The following TAF2 variants were observed in gnomAD, a reference collection of about 807,000 sequenced individuals.
TAF2 encodes TATA-box binding protein associated factor 2.
A neutral mutation model predicts 138.5 loss-of-function variants in TAF2; 61 were observed. That is an observed-to-expected ratio of 0.44 (90% confidence interval 0.36 to 0.54). The LOEUF (loss-of-function observed/expected upper bound fraction) is 0.54. TAF2 is among the 20% of genes least tolerant of loss of function. TAF2 has a pLI of 0.00. For synonymous variants in TAF2, 475 were observed against 469.9 expected (o/e 1.01, Z -0.14); for missense variants, 1,090 against 1,427.9 (o/e 0.76, Z 3.81).
At position 119,731,668 on chromosome 8, in the gene TAF2, GT is replaced by G. The variant is rs1408558094; in HGVS notation, c.*255del. 5.5e-5 allele frequency: 28 copies of G among 505,800 alleles called. No individual in the cohort carries two copies. Among genetic ancestry groups the G allele is most frequent in the Non-Finnish European group, 3.9e-5 (11 of 279,384 alleles). 31.3% of individuals were successfully genotyped at this position (505,800 alleles called of 1,614,324 possible). On this transcript the variant is annotated 3_prime_UTR_variant, in exon 26 of 26. Coordinates refer to ENST00000378164, the MANE Select transcript of TAF2 (RefSeq NM_003184.4). The stretch of plus-strand genomic sequence containing the variant: ...GATATGAGGGCTTTTATGAAAGGGA[GT>G]TTGCTCTGTGTGTGTGTTTTGGGGA...
chr8:119,810,563 A>G (rs1199872027), intron 3 of TAF2, among the ~76,000 whole-genome samples: 1 of 152,228 alleles, frequency 6.6e-6, no homozygotes, highest in Non-Finnish European at 1.5e-5. Flanking sequence ...AAAAATCTAC[A>G]AAACTGTTTC....
At position 119,796,988 on chromosome 8, in the gene TAF2, A is replaced by C; in HGVS notation, c.1091+2T>G. 1 of 1,604,414 alleles carries C rather than the reference A, an allele frequency of 6.2e-7. No individual in the cohort carries two copies. Among genetic ancestry groups the C allele is most frequent in the Non-Finnish European group, 8.5e-7 (1 of 1,171,350 alleles). On this transcript the variant is annotated splice_donor_variant, in intron 8 of 25. Coordinates refer to ENST00000378164, the MANE Select transcript of TAF2 (RefSeq NM_003184.4). LOFTEE classifies it high-confidence loss of function. ...AGTAGTATGAACTTTCAGGTCACTC[A>C]CCAAGACATTCTAGATATGAAACAA...
chr8:119,776,674 G>A (rs548057939), intron 18 of TAF2, among the ~76,000 whole-genome samples: 122 of 152,170 alleles, frequency 8.0e-4, no homozygotes, highest in Non-Finnish European at 1.3e-3. Flanking sequence ...GGGCGACTGA[G>A]TGAGACTCTG....
chr8:119,742,780 C>A, intron 24 of TAF2, 124 bp from the exon 25 acceptor site: 2 of 1,349,216 alleles, frequency 1.5e-6, no homozygotes, highest in Non-Finnish European at 2.0e-6. Flanking sequence ...CAGTAAAATT[C>A]TAACAATTGA....
intron 25 of TAF2, among the ~76,000 whole-genome samples, chr8:119,735,545 T>G (rs1295680728): frequency 6.6e-6 from 1 of 152,214 alleles, no homozygotes; most frequent in Non-Finnish European, 1.5e-5. Context: ...GTTTCTGTGC[T>G]CACTTATTAT....
chr8:119,776,075 G>C (rs1822210244), intron 18 of TAF2, among the ~76,000 whole-genome samples: 1 of 152,026 alleles, frequency 6.6e-6, no homozygotes, highest in South Asian at 2.1e-4. Context: ...AAAAAATGTT[G>C]GACTATCATA....
intron 25 of TAF2, among the ~76,000 whole-genome samples, chr8:119,734,987 G>A (rs972973556): frequency 6.6e-6 from 1 of 152,164 alleles, no homozygotes; most frequent in Non-Finnish European, 1.5e-5. Flanking sequence ...ATTTCCCAAA[G>A]GAACTGGTTC....
Position 119,783,363 on chromosome 8 carries a change from T to G in TAF2, c.2112+18A>C. The stretch of plus-strand genomic sequence containing the variant: ...ATATATACAATAGTCATTTCCTTTA[T>G]GCTGTATATAATCTCACCTTTGCAA... On this transcript the variant is annotated intron_variant, in intron 16 of 25. Transcript: ENST00000378164. 6.2e-7 allele frequency: 1 copy of G among 1,613,486 alleles called. No homozygotes were observed. The highest frequency in any genetic ancestry group is 8.5e-7 in the Non-Finnish European group (1 of 1,179,684).
At chr8:119,794,432 T>C (rs1313608009) in intron 9 of TAF2, among the ~76,000 whole-genome samples, 1 of 150,634 alleles carries the variant, frequency 6.6e-6, no homozygotes, top group East Asian at 1.9e-4. Flanking sequence ...ATAAAGACAC[T>C]ACCACAATTG....
Position 119,731,488 on chromosome 8 carries a change from C to T in TAF2, c.*436G>A, listed in dbSNP as rs1200583365. The T allele has an allele frequency of 1.9e-5, 4 of 206,748 alleles. No individual in the cohort carries two copies. Among genetic ancestry groups the T allele is most frequent in the Non-Finnish European group, 3.0e-5 (3 of 100,524 alleles). The allele number at this position is 206,748 out of a possible 1,614,324, so 12.8% of individuals were successfully genotyped here. A position where few individuals can be genotyped will look rare whatever the true frequency, so the allele number is the denominator to read the frequency against. ...TTCAGTAGTTCCAAATGGTGTTATACAATATTTCACTGGAGATAGTGGTTG... is the reference window on the plus strand; with the variant it reads ...TTCAGTAGTTCCAAATGGTGTTATATAATATTTCACTGGAGATAGTGGTTG... On this transcript the variant is annotated 3_prime_UTR_variant, in exon 26 of 26. Transcript: ENST00000378164.
At chr8:119,782,196 C>A (rs558530424) in intron 16 of TAF2, among the ~76,000 whole-genome samples, 3 of 152,278 alleles carry the variant, frequency 2.0e-5, no homozygotes, top group Admixed American at 2.0e-4. Flanking sequence ...TCTACCCTAA[C>A]TGAACCAGAA....
intron 18 of TAF2, among the ~76,000 whole-genome samples, chr8:119,777,406 TA>T (rs2131118587): frequency 6.6e-6 from 1 of 152,314 alleles, no homozygotes; most frequent in Non-Finnish European, 1.5e-5. Flanking sequence ...GCAGTTTTTT[TA>T]ATGAATAAAT....
chr8:119,827,330 G>C (rs1826164548), intron 2 of TAF2, among the ~76,000 whole-genome samples: 1 of 152,182 alleles, frequency 6.6e-6, no homozygotes, highest in Non-Finnish European at 1.5e-5. Context: ...ATGAACAACT[G>C]TATATCAAAG....
intron 4 of TAF2, among the ~76,000 whole-genome samples, chr8:119,804,340 T>A (rs746315322): frequency 6.6e-6 from 1 of 152,210 alleles, no homozygotes; most frequent in Non-Finnish European, 1.5e-5. Context: ...ACTCCCACAC[T>A]GCACACTTAG....
intron 22 of TAF2, among the ~76,000 whole-genome samples, chr8:119,754,187 G>T (rs2131033715): frequency 6.6e-6 from 1 of 151,906 alleles, no homozygotes. Context: ...TTACTCGGTG[G>T]TATTGCACTG....
At chr8:119,758,569 C>T (rs929297504) in intron 20 of TAF2, among the ~76,000 whole-genome samples, 9 of 152,024 alleles carry the variant, frequency 5.9e-5, no homozygotes, top group Admixed American at 3.3e-4. Flanking sequence ...ACTGTTTTTG[C>T]CCAAGTGGCT....
rs1045338499 is a variant in TAF2, at chr8:119,796,916, G to A, written c.1091+74C>T. On this transcript the variant is annotated intron_variant, in intron 8 of 25. Transcript: ENST00000378164. The stretch of plus-strand genomic sequence containing the variant: ...CTATCTGCAATTAGGGCAAAGGTCA[G>A]CTTAAATGCAGAGAAAGAAAAGAAA... 6 of 1,069,312 alleles carry A rather than the reference G, an allele frequency of 5.6e-6. No individual in the cohort carries two copies. The African/African-American group carries it at 6.2e-5, about 11-fold the overall frequency. 66.2% of individuals were successfully genotyped at this position (1,069,312 alleles called of 1,614,324 possible).
chr8:119,760,458 G>T (rs908137454), intron 20 of TAF2, 141 bp downstream of exon 20: 20 of 916,862 alleles, frequency 2.2e-5, no homozygotes, highest in Middle Eastern at 3.4e-4. Flanking sequence ...ATTTATCAAA[G>T]ATGATTTCTA....
At chr8:119,766,861 T>C (rs1021424191) in intron 18 of TAF2, 2 of 152,144 alleles carry the variant, frequency 1.3e-5, no homozygotes, top group South Asian at 2.1e-4. Context: ...AAGTTGCTGA[T>C]GGAAGATACA....
Sources: gnomAD v4.1 joint callset for allele counts (sites outside exome capture counted in the v4.1 genomes callset) on GRCh38, gnomAD v4.1.1 for gene constraint, MANE v1.5 for transcripts, NCBI Gene and HGNC (gene_info 2026-07-23, HGNC 2026-07-21) for gene names.